The following ZMYM4 variants were observed in gnomAD, a reference collection of about 807,000 sequenced individuals.
ZMYM4 encodes the protein zinc finger MYM-type protein 4.
In ZMYM4, 31 loss-of-function variants were observed where a neutral mutation model predicts 183.2. That is an observed-to-expected ratio of 0.17 (90% CI 0.13 to 0.23). ZMYM4 has a LOEUF of 0.23. Ranked by LOEUF, ZMYM4 falls within the 10% of genes least tolerant of loss-of-function variation. The probability of loss-of-function intolerance (pLI) is 1.00; values close to 1 mark genes in which losing one functional copy is unlikely to be tolerated. For synonymous variants in ZMYM4, 592 were observed against 631.2 expected (o/e 0.94, Z 0.93); for missense variants, 1,273 against 1,840.3 (o/e 0.69, Z 5.64).
chr1:35,337,793 G>T (rs202197222), intron 2 of ZMYM4, among the ~76,000 whole-genome samples: 1 of 152,210 alleles, frequency 6.6e-6, no homozygotes, highest in East Asian at 1.9e-4. Context: ...ACAGAAATCA[G>T]CTGGGCGTGG....
At chr1:35,365,464 G>C (rs1047069253) in intron 5 of ZMYM4, among the ~76,000 whole-genome samples, 3 of 151,894 alleles carry the variant, frequency 2.0e-5, no homozygotes, top group Non-Finnish European at 4.4e-5. Context: ...AATAGAGGAC[G>C]AGCTAATGTG....
In ZMYM4 at chr1:35,374,853, A is replaced by C. The variant is rs532148054; in HGVS notation, c.1181+4226A>C. Among the ~76,000 whole-genome samples, 6 of 152,232 alleles carry C rather than the reference A, an allele frequency of 3.9e-5. No individual in the cohort carries two copies. In the East Asian group the frequency reaches 1.2e-3, roughly 29 times the overall value. On this transcript the variant is annotated intron_variant, in intron 7 of 29. Coordinates refer to ENST00000314607, the MANE Select transcript of ZMYM4 (RefSeq NM_005095.3). ...GATTTATCATGTTTCTTTGGCCTCC[A>C]GTCTCTGGTGTTTGCCTAAGCTTTA...
chr1:35,342,217 C>T (rs999886993), intron 2 of ZMYM4, among the ~76,000 whole-genome samples: 5 of 151,892 alleles, frequency 3.3e-5, no homozygotes, highest in African/African-American at 7.3e-5. Context: ...TGCAGTGGCG[C>T]GACCTCAGCT....
chr1:35,326,384 G>T (rs898131146), intron 2 of ZMYM4, among the ~76,000 whole-genome samples: 2 of 152,132 alleles, frequency 1.3e-5, no homozygotes, highest in African/African-American at 4.8e-5. Context: ...TGTAGTGGTG[G>T]TTGGTTAACT....
intron 28 of ZMYM4, 107 bp from the exon 29 acceptor site, chr1:35,418,332 AAGGG>A (rs1256526734): frequency 8.4e-7 from 1 of 1,188,190 alleles, no homozygotes; most frequent in Non-Finnish European, 1.2e-6. Flanking sequence ...GAGTGAGTGA[AAGGG>A]AGGAAATGAC....
At position 35,387,585 on chromosome 1, in the gene ZMYM4, C is replaced by G. The variant is rs2148981561; in HGVS notation, c.2244C>G (p.Asp748Glu). Residue 748 changes from aspartate (D) to glutamate (E), a missense_variant, in exon 13 of 30, where the codon GAC (aspartate) becomes GAG (glutamate). Physicochemically the swap from Asp to Glu is conservative, Grantham distance 45. This residue lies in a region of ZMYM4 where 319 missense variants were observed against 518.1 expected (regional missense o/e 0.62). Transcript: ENST00000314607. ...VKETVRFSGA[D>E]KSFCSEGCKL... Reference sequence around the variant, plus strand: ...AGACTGTTCGGTTCTCAGGTGCTGACAAGTCATTCTGTAGTGAAGGTAAAG... The same window carrying G: ...AGACTGTTCGGTTCTCAGGTGCTGAGAAGTCATTCTGTAGTGAAGGTAAAG... 2 of 1,611,796 alleles carry G rather than the reference C, an allele frequency of 1.2e-6. No individual in the cohort carries two copies. The highest frequency in any genetic ancestry group is 1.7e-6 in the Non-Finnish European group (2 of 1,179,348).
At chr1:35,370,697 T>C in intron 7 of ZMYM4, 70 bp downstream of exon 7, 3 of 1,364,416 alleles carry the variant, frequency 2.2e-6, no homozygotes, top group Non-Finnish European at 2.9e-6. Flanking sequence ...TCTTAGGTCA[T>C]GTATTACATT....
intron 2 of ZMYM4, among the ~76,000 whole-genome samples, chr1:35,326,427 C>T: frequency 6.6e-6 from 1 of 152,100 alleles, no homozygotes; most frequent in Admixed American, 6.5e-5. Flanking sequence ...CAAACATTGT[C>T]AAGAGCACCT....
intron 2 of ZMYM4, among the ~76,000 whole-genome samples, chr1:35,333,788 T>C (rs1457308411): frequency 6.6e-6 from 1 of 152,162 alleles, no homozygotes; most frequent in African/African-American, 2.4e-5. Context: ...TACATACTTT[T>C]CTCCTCCTCA....
intron 26 of ZMYM4, 78 bp from the exon 27 acceptor site, chr1:35,413,894 G>A: frequency 1.2e-6 from 1 of 852,408 alleles, no homozygotes; most frequent in Non-Finnish European, 1.8e-6. Context: ...AGGGTAAACT[G>A]TATTTCTTAC....
chr1:35,365,269 A>G (rs1254317484), intron 5 of ZMYM4, among the ~76,000 whole-genome samples: 2 of 124,284 alleles, frequency 1.6e-5, no homozygotes, highest in South Asian at 2.4e-4. Flanking sequence ...TTTTTAGTCT[A>G]CCAATCTTTC....
Position 35,421,068 on chromosome 1 carries a change from C to CT in ZMYM4, c.*1391_*1392insT, listed in dbSNP as rs2149055507. The CT allele has an allele frequency of 6.6e-6, 1 of 152,490 alleles. No individual in the cohort carries two copies. Among genetic ancestry groups the CT allele is most frequent in the African/African-American group, 2.4e-5 (1 of 41,552 alleles). 9.4% of individuals were successfully genotyped at this position (152,490 alleles called of 1,614,324 possible). A position where few individuals can be genotyped will look rare whatever the true frequency, so the allele number is the denominator to read the frequency against. On this transcript the variant is annotated 3_prime_UTR_variant, in exon 30 of 30. Coordinates refer to ENST00000314607, the MANE Select transcript of ZMYM4 (RefSeq NM_005095.3). Reference sequence around the variant, plus strand: ...ACTTCTTCAGCTAAGGTTAATTTGACGCTATGATAAAACTGAGAGATGTCA... The same window carrying CT: ...ACTTCTTCAGCTAAGGTTAATTTGACTGCTATGATAAAACTGAGAGATGTCA...
chr1:35,396,747 A>G (rs1644815696), intron 19 of ZMYM4, 77 bp downstream of exon 19: 5 of 1,470,286 alleles, frequency 3.4e-6, no homozygotes, highest in Non-Finnish European at 4.5e-6. Context: ...CTGTGAAGAA[A>G]GTTTTCATTT....
chr1:35,354,727 T>TAAAAAAA lies in ZMYM4; in HGVS notation c.86-4175_86-4169dup, dbSNP rs57493035. On this transcript the variant is annotated intron_variant, in intron 2 of 29. Transcript: ENST00000314607. ...GGGCGACAGAGTGAAACTTTGTCTT[T>TAAAAAAA]AAAAAAAAAAAAAAAAAAAAAAAAA... Among the ~76,000 whole-genome samples, 251 of 84,004 alleles carry TAAAAAAA rather than the reference T, an allele frequency of 3.0e-3. 5 individuals are homozygous for TAAAAAAA. Among genetic ancestry groups the TAAAAAAA allele is most frequent in the African/African-American group, 0.014 (236 of 17,144 alleles). 55.1% of individuals were successfully genotyped at this position (84,004 alleles called of 152,430 possible).
chr1:35,403,532 C>T (rs1474327112), intron 23 of ZMYM4, among the ~76,000 whole-genome samples: 4 of 152,084 alleles, frequency 2.6e-5, no homozygotes, highest in Non-Finnish European at 5.9e-5. Context: ...GTGATCCACC[C>T]ACCTCGCCCT....
rs1644463219 is a variant in ZMYM4 at position 35,381,765 on chromosome 1, G to T, written c.1569+7G>T. On this transcript the variant is annotated splice_region_variant and intron_variant, in intron 9 of 29. Coordinates refer to ENST00000314607, the MANE Select transcript of ZMYM4 (RefSeq NM_005095.3). ...TATCACGGCATACAAGCAGGTACAT[G>T]ACCATATTTAATCTTGATGTCTTTG... is the stretch of plus-strand genomic sequence containing the variant. 2.5e-6 allele frequency: 4 copies of T among 1,613,292 alleles called. No individual in the cohort carries two copies. The highest frequency in any genetic ancestry group is 1.1e-5 in the South Asian group (1 of 90,890).
At chr1:35,411,247 G>A (rs1346284617) in intron 26 of ZMYM4, among the ~76,000 whole-genome samples, 1 of 145,760 alleles carries the variant, frequency 6.9e-6, no homozygotes, top group African/African-American at 2.5e-5. Flanking sequence ...TCCGCCTCCC[G>A]GGTTCACGCC....
chr1:35,325,246 A>G (rs922316864), intron 1 of ZMYM4, 114 bp from the exon 2 acceptor site: 5 of 902,644 alleles, frequency 5.5e-6, no homozygotes, highest in African/African-American at 1.7e-5. Context: ...TATATTGTGC[A>G]CTTGTCATTT....
intron 2 of ZMYM4, among the ~76,000 whole-genome samples, chr1:35,358,036 T>C (rs1369863239): frequency 1.3e-5 from 2 of 152,152 alleles, no homozygotes; most frequent in Non-Finnish European, 2.9e-5. Context: ...ATTTAGGAAT[T>C]GAAAAAAGTC....
Sources: allele counts gnomAD v4.1 joint callset (sites outside exome capture counted in the v4.1 genomes callset), GRCh38; gene constraint gnomAD v4.1.1; regional missense constraint gnomAD v4.1.1; transcripts MANE v1.5; gene names NCBI Gene and HGNC (gene_info 2026-07-23, HGNC 2026-07-21).